ATRNL1: variants seen among roughly 807,000 people sequenced by gnomAD.
ATRNL1 encodes the protein attractin-like protein 1.
Under a neutral mutation model 182.7 loss-of-function variants are expected in ATRNL1, and 95 were observed. That is an observed-to-expected ratio of 0.52 (90% CI 0.44 to 0.62). ATRNL1 has a LOEUF of 0.62. Among genes scored for constraint, ATRNL1 ranks in the 20% least tolerant of loss-of-function variants. ATRNL1 has a pLI of 0.00. For missense variants in ATRNL1, 1,471 were observed against 1,679.5 expected, an observed-to-expected ratio of 0.88 and a Z score of 2.17; for synonymous variants, 576 against 568.3, an observed-to-expected ratio of 1.01 and a Z score of -0.19.
intron 1 of ATRNL1, among the ~76,000 whole-genome samples, chr10:115,105,629 C>A (rs1843974361): frequency 6.6e-6 from 1 of 152,222 alleles, no homozygotes; most frequent in Non-Finnish European, 1.5e-5. Flanking sequence ...GTGCTGTATG[C>A]AGCCTAGGGA....
chr10:115,468,204 G>T (rs7896443), intron 23 of ATRNL1, among the ~76,000 whole-genome samples: 58,257 of 150,362 alleles, frequency 0.39, 12,319 homozygotes, highest in Middle Eastern at 0.49. Flanking sequence ...GTAATAACTT[G>T]TACTGTTAAT....
At chr10:115,282,353 AC>A (rs1190336750) in intron 14 of ATRNL1, among the ~76,000 whole-genome samples, 4 of 150,938 alleles carry the variant, frequency 2.7e-5, no homozygotes, top group African/African-American at 9.7e-5. Flanking sequence ...GGTGTGCTGC[AC>A]CCATTAACTC....
intron 27 of ATRNL1, among the ~76,000 whole-genome samples, chr10:115,778,330 G>GA (rs557142533): frequency 1.7e-4 from 25 of 150,658 alleles, no homozygotes; most frequent in African/African-American, 4.7e-4. Context: ...AAGAGGTAAG[G>GA]AAAAAAAACT....
intron 27 of ATRNL1, among the ~76,000 whole-genome samples, chr10:115,762,343 T>C (rs1555073818): frequency 6.6e-6 from 1 of 152,148 alleles, no homozygotes; most frequent in Non-Finnish European, 1.5e-5. Flanking sequence ...TTGCTAGGAT[T>C]TGGATGACCT....
chr10:115,358,070 A>C (rs1323212645), intron 19 of ATRNL1, among the ~76,000 whole-genome samples: 3 of 151,514 alleles, frequency 2.0e-5, no homozygotes, highest in Non-Finnish European at 4.4e-5. Flanking sequence ...TTATTAGTTT[A>C]GGCCTCCATG....
At chr10:115,241,761 A>T (rs1554902963) in intron 10 of ATRNL1, 36 bp downstream of exon 10, 1 of 1,558,616 alleles carries the variant, frequency 6.4e-7, no homozygotes, top group Middle Eastern at 1.7e-4. Context: ...AGTAGGAAAT[A>T]TCAGAAATTT....
chr10:115,361,511 T>A (rs547569286), intron 19 of ATRNL1, among the ~76,000 whole-genome samples: 1 of 152,062 alleles, frequency 6.6e-6, no homozygotes, highest in Non-Finnish European at 1.5e-5. Flanking sequence ...TGTACAGAAA[T>A]GCTTACATAG....
At chr10:115,421,629 C>G (rs1273176040) in intron 20 of ATRNL1, among the ~76,000 whole-genome samples, 2 of 152,104 alleles carry the variant, frequency 1.3e-5, no homozygotes, top group Non-Finnish European at 2.9e-5. Context: ...AATGCTGAAG[C>G]AAATGCCATA....
chr10:115,628,911 C>A (rs1444735049), intron 26 of ATRNL1, among the ~76,000 whole-genome samples: 1 of 152,138 alleles, frequency 6.6e-6, no homozygotes, highest in East Asian at 1.9e-4. Context: ...AGAGTCTATT[C>A]TTTCCTAATT....
chr10:115,145,541 C>A (rs782647952), intron 5 of ATRNL1, among the ~76,000 whole-genome samples: 40 of 152,024 alleles, frequency 2.6e-4, no homozygotes, highest in Non-Finnish European at 5.4e-4. Context: ...TTAAAATAGA[C>A]AAAAGTTAAT....
At chr10:115,545,781 G>A (rs556136853) in intron 25 of ATRNL1, among the ~76,000 whole-genome samples, 5 of 152,232 alleles carry the variant, frequency 3.3e-5, no homozygotes, top group East Asian at 1.9e-4. Context: ...TATTTGCTAC[G>A]ACAGATTTTC....
intron 26 of ATRNL1, among the ~76,000 whole-genome samples, chr10:115,661,397 A>G (rs996943417): frequency 3.3e-4 from 51 of 152,322 alleles, no homozygotes; most frequent in African/African-American, 1.2e-3. Context: ...ATGAAAACAG[A>G]AAATGATGCA....
chr10:115,214,739 G>T (rs1448706442), intron 8 of ATRNL1, among the ~76,000 whole-genome samples: 1 of 152,098 alleles, frequency 6.6e-6, no homozygotes, highest in Non-Finnish European at 1.5e-5. Flanking sequence ...CTAAGGCCAA[G>T]AAATTGTGGG....
intron 27 of ATRNL1, among the ~76,000 whole-genome samples, chr10:115,767,481 C>T (rs1183661430): frequency 6.6e-6 from 1 of 152,072 alleles, no homozygotes; most frequent in Non-Finnish European, 1.5e-5. Flanking sequence ...CAGGTCCCTT[C>T]TTGTGATTAT....
rs371895195 is a variant in ATRNL1, at chr10:115,355,767, A to T, written c.3175+21348A>T. Among the ~76,000 whole-genome samples, 23 of 152,078 alleles carry T rather than the reference A, an allele frequency of 1.5e-4. No homozygotes were observed. The East Asian group carries it at 1.7e-3, about 11-fold the overall frequency. On this transcript the variant is annotated intron_variant, in intron 19 of 28. Transcript: ENST00000355044. ...ATTATGAATACATTTTTTTCCTTTAATATTACATTTGTAATTGGTAATGTC... is the reference window on the plus strand; with the variant it reads ...ATTATGAATACATTTTTTTCCTTTATTATTACATTTGTAATTGGTAATGTC...
chr10:115,360,809 T>G (rs1856710571), intron 19 of ATRNL1, among the ~76,000 whole-genome samples: 1 of 151,954 alleles, frequency 6.6e-6, no homozygotes, highest in South Asian at 2.1e-4. Flanking sequence ...TCATTTTGTT[T>G]AATGTCATTT....
intron 24 of ATRNL1, among the ~76,000 whole-genome samples, chr10:115,518,689 T>C: frequency 6.6e-6 from 1 of 151,974 alleles, no homozygotes; most frequent in East Asian, 1.9e-4. Flanking sequence ...TATTGTTGAT[T>C]GATATACTAT....
At chr10:115,163,618 G>A (rs895732266) in intron 6 of ATRNL1, among the ~76,000 whole-genome samples, 12 of 151,950 alleles carry the variant, frequency 7.9e-5, no homozygotes, top group East Asian at 1.9e-4. Context: ...CTCCCACCTC[G>A]GCTTCTCAAA....
intron 28 of ATRNL1, among the ~76,000 whole-genome samples, chr10:115,927,746 G>C (rs555545132): frequency 8.4e-4 from 128 of 152,150 alleles, no homozygotes; most frequent in Middle Eastern, 3.4e-3. Context: ...CTTGTCAAGA[G>C]AATCAGTGCA....
Sources: gnomAD v4.1 joint callset for allele counts (sites outside exome capture counted in the v4.1 genomes callset) on GRCh38, gnomAD v4.1.1 for gene constraint, MANE v1.5 for transcripts, NCBI Gene and HGNC (gene_info 2026-07-23, HGNC 2026-07-21) for gene names.